The following FRAS1 variants were observed in gnomAD, a reference collection of about 807,000 sequenced individuals.
The protein encoded by FRAS1 is extracellular matrix organizing protein FRAS1.
FRAS1 carries 290 observed loss-of-function variants against 435.2 expected under a neutral mutation model. The ratio of observed to expected loss-of-function variants is 0.67; its 90% CI spans 0.61 to 0.73. FRAS1 has a LOEUF of 0.73. Among genes scored for constraint, FRAS1 ranks in the 30% least tolerant of loss-of-function variants. FRAS1 has a pLI of 0.00. For missense variants in FRAS1, 4,860 were observed against 5,001.5 expected, an observed-to-expected ratio of 0.97 and a Z score of 0.85; for synonymous variants, 1,800 against 1,851.0, an observed-to-expected ratio of 0.97 and a Z score of 0.71.
At chr4:78,374,709 CA>C in intron 25 of FRAS1, among the ~76,000 whole-genome samples, 1 of 152,148 alleles carries the variant, frequency 6.6e-6, no homozygotes, top group Non-Finnish European at 1.5e-5. Flanking sequence ...AGTTGAACCC[CA>C]AGTCTTAATC....
At chr4:78,279,293 C>T (rs1269314805) in intron 10 of FRAS1, among the ~76,000 whole-genome samples, 1 of 152,172 alleles carries the variant, frequency 6.6e-6, no homozygotes. Context: ...AGGCATTGGC[C>T]ATGAGGTCTA....
chr4:78,275,549 G>A (rs1268434422), intron 9 of FRAS1, among the ~76,000 whole-genome samples: 1 of 152,098 alleles, frequency 6.6e-6, no homozygotes, highest in African/African-American at 2.4e-5. Flanking sequence ...GTCTCTAAAG[G>A]ATTTTATTTC....
intron 41 of FRAS1, among the ~76,000 whole-genome samples, chr4:78,442,363 A>T (rs912583636): frequency 1.3e-4 from 20 of 152,366 alleles, no homozygotes; most frequent in African/African-American, 4.6e-4. Flanking sequence ...AGGACAGGGA[A>T]AGGAGCAAAG....
chr4:78,453,626 C>T (rs180701389), intron 47 of FRAS1, among the ~76,000 whole-genome samples: 1 of 152,074 alleles, frequency 6.6e-6, no homozygotes, highest in African/African-American at 2.4e-5. Flanking sequence ...CATAGTGAGA[C>T]CCCGTTTATT....
At chr4:78,314,645 T>A (rs1729162001) in intron 15 of FRAS1, among the ~76,000 whole-genome samples, 1 of 152,100 alleles carries the variant, frequency 6.6e-6, no homozygotes, top group Non-Finnish European at 1.5e-5. Context: ...AGGCCATAGG[T>A]TTCTATAATC....
intron 2 of FRAS1, among the ~76,000 whole-genome samples, chr4:78,090,064 A>G (rs1489278457): frequency 4.3e-5 from 4 of 92,726 alleles, no homozygotes; most frequent in African/African-American, 1.2e-4. Context: ...GTCAGTGAAG[A>G]TCGTGGCATT....
In FRAS1 at chr4:78,489,075, G is replaced by A. The variant is rs1268191945; in HGVS notation, c.8953G>A (p.Asp2985Asn). 4.3e-6 allele frequency: 7 copies of A among 1,611,432 alleles called. No individual in the cohort carries two copies. Among genetic ancestry groups the A allele is most frequent in the Non-Finnish European group, 5.9e-6 (7 of 1,179,088 alleles). Reference sequence around the variant, plus strand: ...TTCACGGATTACATTTCTCAAAGGGGACAAAGTAAGTGGATTGGTGGTGGC... The same window carrying A: ...TTCACGGATTACATTTCTCAAAGGGAACAAAGTAAGTGGATTGGTGGTGGC... The part of the protein sequence containing the change: ...DSSRITFLKG[D>N]KVKNCTVYIH... Residue 2985 changes from aspartate to asparagine, a missense_variant, in exon 59 of 74, where the codon GAC becomes AAC. Asp to Asn is a conservative substitution (Grantham distance 23). Transcript: ENST00000512123.
rs1353970532 is a variant in FRAS1, at chr4:78,477,993, A to G, written c.8030A>G (p.Glu2677Gly). ...INDTEDEPTL[E>G]FDKKIYWVNE... ...GATACCGAGGATGAACCCACATTAGAGTTTGACAAGAAGATCTACTGGGTT... is the reference window on the plus strand; with the variant it reads ...GATACCGAGGATGAACCCACATTAGGGTTTGACAAGAAGATCTACTGGGTT... Residue 2677 changes from glutamate to glycine, a missense_variant, in exon 55 of 74, where the codon GAG (glutamate) becomes GGG (glycine). Coordinates refer to ENST00000512123, the MANE Select transcript of FRAS1 (RefSeq NM_025074.7). 4 of 1,610,574 alleles carry G rather than the reference A, an allele frequency of 2.5e-6. No individual in the cohort carries two copies. The highest frequency in any genetic ancestry group is 3.4e-6 in the Non-Finnish European group (4 of 1,178,476).
At chr4:78,346,252 C>T (rs747284012) in intron 20 of FRAS1, among the ~76,000 whole-genome samples, 1 of 152,186 alleles carries the variant, frequency 6.6e-6, no homozygotes, top group Non-Finnish European at 1.5e-5. Context: ...TCTGATTGGG[C>T]CCACTAATAA....
intron 56 of FRAS1, among the ~76,000 whole-genome samples, chr4:78,480,000 G>A (rs1022531656): frequency 1.3e-5 from 2 of 152,056 alleles, no homozygotes; most frequent in Non-Finnish European, 2.9e-5. Flanking sequence ...TTTGATACAG[G>A]CATGTAATAT....
chr4:78,247,444 A>AT (rs961148152), intron 4 of FRAS1, among the ~76,000 whole-genome samples: 5 of 152,008 alleles, frequency 3.3e-5, no homozygotes, highest in East Asian at 1.9e-4. Flanking sequence ...TAGAAGATGG[A>AT]TTTTTTTTAA....
chr4:78,123,914 A>G (rs750053523), intron 2 of FRAS1, among the ~76,000 whole-genome samples: 11 of 152,220 alleles, frequency 7.2e-5, no homozygotes, highest in African/African-American at 2.7e-4. Flanking sequence ...CAATCAAGTC[A>G]TCTGCAAACA....
In FRAS1 at chr4:78,482,291, CACCAAAG is replaced by C. The variant is rs200691296; in HGVS notation, c.8605-94_8605-88del. On this transcript the variant is annotated intron_variant, in intron 57 of 73. Coordinates refer to ENST00000512123, the MANE Select transcript of FRAS1 (RefSeq NM_025074.7). ...GGATTAGAAAATCTTACTTTAAAAC[CACCAAAG>C]ACAGGCAAGTTGTGACCTTTGCCCT... 5.0e-3 allele frequency: 6,909 copies of C among 1,386,268 alleles called. 292 individuals carry two copies. The African/African-American group carries it at 0.084, about 17-fold the overall frequency. 85.9% of individuals were successfully genotyped at this position (1,386,268 alleles called of 1,614,324 possible). A position where few individuals can be genotyped will look rare whatever the true frequency, so the allele number is the denominator to read the frequency against.
In FRAS1 at chr4:78,539,352, A is replaced by G. The variant is rs1721979435; in HGVS notation, c.11357A>G (p.His3786Arg). The G allele has an allele frequency of 6.2e-7, 1 of 1,613,340 alleles. No individual in the cohort carries two copies. Among genetic ancestry groups the G allele is most frequent in the Non-Finnish European group, 8.5e-7 (1 of 1,179,596 alleles). ...KYFHDVPFEA[H>R]FASELPDFHV... The stretch of plus-strand genomic sequence containing the variant: ...TTCCATGATGTGCCTTTTGAGGCTC[A>G]CTTTGCCTCTGAGTTGCCTGATTTC... The change falls in exon 73 of 74, where the codon CAC (histidine) becomes CGC (arginine). Residue 3786 changes from histidine to arginine, a missense_variant. Physicochemically the swap from His to Arg is conservative, Grantham distance 29. Coordinates refer to ENST00000512123, the MANE Select transcript of FRAS1 (RefSeq NM_025074.7).
At position 78,223,219 on chromosome 4, in the gene FRAS1, G is replaced by A. The variant is rs575784459; in HGVS notation, c.109-14291G>A. Among the ~76,000 whole-genome samples the A allele has an allele frequency of 8.5e-5, 13 of 152,158 alleles. No individual in the cohort carries two copies. The South Asian group carries it at 1.9e-3, about 22-fold the overall frequency. The stretch of plus-strand genomic sequence containing the variant: ...TTGGTTTGGAATGGGGATGGGCTCC[G>A]CATCCCTGGCAGTTAATTTCCTCTT... On this transcript the variant is annotated intron_variant, in intron 2 of 73. Transcript: ENST00000512123.
At chr4:78,408,017 G>GA (rs1733172461) in intron 31 of FRAS1, among the ~76,000 whole-genome samples, 176 bp downstream of exon 31, 1 of 152,152 alleles carries the variant, frequency 6.6e-6, no homozygotes, top group Non-Finnish European at 1.5e-5. Context: ...AATTTACACA[G>GA]AAAAAGAGGT....
chr4:78,420,199 C>A (rs1000207928), intron 33 of FRAS1, among the ~76,000 whole-genome samples: 1 of 152,208 alleles, frequency 6.6e-6, no homozygotes, highest in Non-Finnish European at 1.5e-5. Context: ...TTATGAAATT[C>A]TCAGAGAGAA....
rs527718527 is a variant in FRAS1, at chr4:78,507,551, G to A, written c.9447G>A (p.Thr3149=). Reference sequence around the variant, plus strand: ...TTCTTGGGGATGTGACTACTGCCACGGTGACAATTCTAGACCAGGAGGCAG... The same window carrying A: ...TTCTTGGGGATGTGACTACTGCCACAGTGACAATTCTAGACCAGGAGGCAG... ...EAVLGDVTTA[T]VTILDQEAAG... is the part of the protein sequence containing the mutation. Residue 3149 remains threonine (T), a synonymous_variant, in exon 62 of 74, where the codon ACG becomes ACA. Coordinates refer to ENST00000512123, the MANE Select transcript of FRAS1 (RefSeq NM_025074.7). The A allele has an allele frequency of 5.0e-6, 8 of 1,610,912 alleles. No individual in the cohort carries two copies. Among genetic ancestry groups the A allele is most frequent in the East Asian group, 4.5e-5 (2 of 44,718 alleles).
intron 9 of FRAS1, among the ~76,000 whole-genome samples, chr4:78,272,340 C>G (rs1024972147): frequency 3.3e-5 from 5 of 152,178 alleles, no homozygotes; most frequent in Non-Finnish European, 7.3e-5. Flanking sequence ...TCAATTTTGG[C>G]TTTTGTTGCC....
Sources: gnomAD v4.1 joint callset for allele counts (sites outside exome capture counted in the v4.1 genomes callset) on GRCh38, gnomAD v4.1.1 for gene constraint, MANE v1.5 for transcripts, NCBI Gene and HGNC (gene_info 2026-07-23, HGNC 2026-07-21) for gene names.